The following BRME1 variants were observed in gnomAD, a reference collection of about 807,000 sequenced individuals.
BRME1 encodes break repair meiotic recombinase recruitment factor 1.
BRME1 carries 31 observed loss-of-function variants against 52.6 expected under a neutral mutation model. That is an observed-to-expected ratio of 0.59 (90% confidence interval 0.44 to 0.80). BRME1 has a LOEUF of 0.80. BRME1 is among the 30% of genes least tolerant of loss of function. BRME1 has a pLI of 0.00. For missense variants in BRME1, 804 were observed against 860.3 expected, an observed-to-expected ratio of 0.93 and a Z score of 0.82; for synonymous variants, 359 against 353.6, an observed-to-expected ratio of 1.02 and a Z score of -0.17.
intron 6 of BRME1, among the ~76,000 whole-genome samples, chr19:13,887,208 C>T (rs1969095297): frequency 6.6e-6 from 1 of 152,234 alleles, no homozygotes; most frequent in Non-Finnish European, 1.5e-5. Flanking sequence ...TTTGCTGTTC[C>T]CCGTGCCCCT....
At chr19:13,902,615 A>C (rs1970374216) in intron 2 of BRME1, among the ~76,000 whole-genome samples, 1 of 150,568 alleles carries the variant, frequency 6.6e-6, no homozygotes, top group African/African-American at 2.4e-5. Context: ...AACAAGATCA[A>C]GACTCTGTCT....
At chr19:13,892,986 C>A (rs1969620502) in intron 4 of BRME1, 96 bp from the exon 5 acceptor site, 2 of 1,385,534 alleles carry the variant, frequency 1.4e-6, no homozygotes, top group South Asian at 2.4e-5. Context: ...TTTCTTGTAG[C>A]CTTGAGAGAA....
Position 13,889,517 on chromosome 19 carries a change from T to C in BRME1, c.1339A>G (p.Asn447Asp). 6.2e-7 allele frequency: 1 copy of C among 1,613,882 alleles called. No individual in the cohort carries two copies. The highest frequency in any genetic ancestry group is 2.2e-5 in the East Asian group (1 of 44,878). Residue 447 changes from asparagine (N) to aspartate (D), a missense_variant, in exon 6 of 9, where the codon AAT (asparagine) becomes GAT (aspartate). Asn to Asp is a conservative substitution (Grantham distance 23). This residue lies in a region of BRME1 where 552 missense variants were observed against 561.1 expected (regional missense o/e 0.98). Coordinates refer to ENST00000586783, the MANE Select transcript of BRME1 (RefSeq NM_001345843.2). ...GCAGGACCTGGCTCCTGCTTCTGATTGACACATGGACCTGTGTCCGGGGAT... is the reference window on the plus strand; with the variant it reads ...GCAGGACCTGGCTCCTGCTTCTGATCGACACATGGACCTGTGTCCGGGGAT... ...HASPDTGPCVNQKQEPGPAQE... is the reference protein window; with the variant it reads ...HASPDTGPCVDQKQEPGPAQE...
chr19:13,892,899 C>A lies in BRME1; in HGVS notation c.289-9G>T, dbSNP rs377496573. On this transcript the variant is annotated splice_polypyrimidine_tract_variant and intron_variant, in intron 4 of 8. Transcript: ENST00000586783. ...AACCTCCCGAATGAGTTCTGTAAAC[C>A]GGATACAAGAACAAAGCAGCAATAA... 15 of 1,607,850 alleles carry A rather than the reference C, an allele frequency of 9.3e-6. No individual in the cohort carries two copies. The highest frequency in any genetic ancestry group is 1.3e-5 in the Non-Finnish European group (15 of 1,174,380).
At chr19:13,904,778 T>C in intron 2 of BRME1, 84 bp downstream of exon 2, 2 of 1,410,272 alleles carry the variant, frequency 1.4e-6, no homozygotes, top group South Asian at 2.3e-5. Context: ...GGCAGTCGTG[T>C]TAGCCAGATC....
Position 13,889,457 on chromosome 19 carries a change from C to A in BRME1, c.1399G>T (p.Glu467Ter), listed in dbSNP as rs759040859. 1 of 1,613,938 alleles carries A rather than the reference C, an allele frequency of 6.2e-7. No homozygotes were observed. Among genetic ancestry groups the A allele is most frequent in the Non-Finnish European group, 8.5e-7 (1 of 1,180,038 alleles). The change falls in exon 6 of 9, where the codon GAA becomes TAA. Residue 467 changes from glutamate (E) to a stop codon, truncating the protein, a stop_gained. Coordinates refer to ENST00000586783, the MANE Select transcript of BRME1 (RefSeq NM_001345843.2). LOFTEE classifies it high-confidence loss of function. ...EEAELGGQNL[E>*]RDLEGFRVSP... ...ACACGGAACCCCTCGAGGTCTCGTT[C>A]GAGGTTCTGGCCACCTAACTCGGCT...
rs559516240 is a variant in BRME1 at position 13,898,394 on chromosome 19, A to T, written c.32-2848T>A. ...CTACTCAGGAGGCTGAGGGGGTAGG[A>T]TCACTTGAGTCCAGGATCTCACTTG... On this transcript the variant is annotated intron_variant, in intron 2 of 8. Coordinates refer to ENST00000586783, the MANE Select transcript of BRME1 (RefSeq NM_001345843.2). 1.4e-4 allele frequency among the ~76,000 whole-genome samples: 22 copies of T among 152,274 alleles called. No homozygotes were observed. In the East Asian group the frequency reaches 4.3e-3, roughly 29 times the overall value.
In BRME1 at chr19:13,895,503, T is replaced by C. The variant is rs1969824245; in HGVS notation, c.75A>G (p.Leu25=). ...CPPKPLKNPR[L]GDFYGDPQSS... is the part of the protein sequence containing the mutation. ...TCTGGGGGTCCCCATAGAAGTCTCC[T>C]AGCCTTGGGTTCTTTAGGGGTTTTG... The change falls in exon 3 of 9, where the codon CTA becomes CTG. Residue 25 remains leucine, a synonymous_variant. Transcript: ENST00000586783. 3 of 1,613,976 alleles carry C rather than the reference T, an allele frequency of 1.9e-6. No homozygotes were observed. The African/African-American group carries it at 4.0e-5, about 22-fold the overall frequency.
chr19:13,904,839 A>G (rs1458115189), intron 2 of BRME1, 23 bp downstream of exon 2: 1 of 1,611,782 alleles, frequency 6.2e-7, no homozygotes. Context: ...GAAATCAACA[A>G]GTGTCCATTT....
Position 13,891,661 on chromosome 19 carries a change from G to A in BRME1, c.393+1125C>T, listed in dbSNP as rs75957633. Among the ~76,000 whole-genome samples the A allele has an allele frequency of 5.0e-3, 760 of 151,116 alleles. 7 individuals carry two copies. The highest frequency in any genetic ancestry group is 0.017 in the African/African-American group (713 of 41,256). ...TTGTGGTTTTTTTGGTAGAGATGGC[G>A]TTGTGCCATGTTGCCCAGGCTGGTC... On this transcript the variant is annotated intron_variant, in intron 5 of 8. Transcript: ENST00000586783.
At chr19:13,894,683 G>A (rs1462313946) in intron 3 of BRME1, among the ~76,000 whole-genome samples, 1 of 152,078 alleles carries the variant, frequency 6.6e-6, no homozygotes, top group East Asian at 1.9e-4. Context: ...AGTGTGCTGG[G>A]ATTATAGGCA....
At chr19:13,894,052 T>C (rs934732102) in intron 3 of BRME1, among the ~76,000 whole-genome samples, 1 of 152,122 alleles carries the variant, frequency 6.6e-6, no homozygotes, top group Non-Finnish European at 1.5e-5. Flanking sequence ...GAGAATACAC[T>C]GCCTTAACAG....
rs1397147404 is a variant in BRME1, at chr19:13,890,091, T to C, written c.765A>G (p.Gly255=). The change falls in exon 6 of 9, where the codon GGA becomes GGG. Residue 255 remains glycine (G), a synonymous_variant. Coordinates refer to ENST00000586783, the MANE Select transcript of BRME1 (RefSeq NM_001345843.2). ...EKPDRGAPQE[G]GAQRTAGAGL... Reference sequence around the variant, plus strand: ...CAGCCCCTGCTGTCCTTTGGGCCCCTCCCTCCTGGGGGGCTCCTCTGTCTG... The same window carrying C: ...CAGCCCCTGCTGTCCTTTGGGCCCCCCCCTCCTGGGGGGCTCCTCTGTCTG... 1 of 1,613,910 alleles carries C rather than the reference T, an allele frequency of 6.2e-7. No individual in the cohort carries two copies. Among genetic ancestry groups the C allele is most frequent in the Admixed American group, 1.7e-5 (1 of 60,012 alleles).
intron 5 of BRME1, among the ~76,000 whole-genome samples, chr19:13,891,648 T>A (rs980570921): frequency 2.0e-5 from 3 of 151,640 alleles, no homozygotes; most frequent in Admixed American, 6.6e-5. Flanking sequence ...GTGGTTTTTT[T>A]GGTAGAGATG....
rs747014631 is a variant in BRME1 at position 13,890,278 on chromosome 19, T to C, written c.578A>G (p.Asp193Gly). 3 of 1,612,846 alleles carry C rather than the reference T, an allele frequency of 1.9e-6. No individual in the cohort carries two copies. In the Admixed American group the frequency reaches 5.0e-5, roughly 27 times the overall value. ...VPGSGDSQPDDPPDRGTGLSA... is the reference protein window; with the variant it reads ...VPGSGDSQPDGPPDRGTGLSA... The stretch of plus-strand genomic sequence containing the variant: ...CAACCCCGTCCCCCTGTCTGGAGGG[T>C]CATCAGGCTGAGAATCCCCACTGCC... Residue 193 changes from aspartate to glycine, a missense_variant, in exon 6 of 9, where the codon GAC becomes GGC. Transcript: ENST00000586783.
intron 2 of BRME1, among the ~76,000 whole-genome samples, chr19:13,898,516 A>C (rs1431067769): frequency 1.3e-5 from 2 of 152,128 alleles, no homozygotes; most frequent in Non-Finnish European, 2.9e-5. Context: ...AGGCTGAGGC[A>C]GGAGGATTGC....
intron 5 of BRME1, 73 bp downstream of exon 5, chr19:13,892,713 A>G: frequency 7.9e-7 from 1 of 1,271,120 alleles, no homozygotes; most frequent in Non-Finnish European, 1.1e-6. Flanking sequence ...TCCAGGGTTA[A>G]ATGGGGCTGC....
At chr19:13,895,615 T>C in intron 2 of BRME1, 69 bp from the exon 3 acceptor site, 1 of 1,389,364 alleles carries the variant, frequency 7.2e-7, no homozygotes, top group South Asian at 1.3e-5. Context: ...ACAACTCAGG[T>C]CTCCCCCACT....
In BRME1 at chr19:13,882,707, G is replaced by C. The variant is rs1968716444; in HGVS notation, c.*95C>G. 1 of 1,524,002 alleles carries C rather than the reference G, an allele frequency of 6.6e-7. No homozygotes were observed. Among genetic ancestry groups the C allele is most frequent in the Non-Finnish European group, 8.9e-7 (1 of 1,119,236 alleles). 94.4% of individuals were successfully genotyped at this position (1,524,002 alleles called of 1,614,324 possible). ...CCAACTTCCGGGCAACTGAAGGGAG[G>C]TTTGTAGGGTCCACTAGGACCCCCT... On this transcript the variant is annotated 3_prime_UTR_variant, in exon 9 of 9. Coordinates refer to ENST00000586783, the MANE Select transcript of BRME1 (RefSeq NM_001345843.2).
Sources: allele counts gnomAD v4.1 joint callset (sites outside exome capture counted in the v4.1 genomes callset), GRCh38; gene constraint gnomAD v4.1.1; regional missense constraint gnomAD v4.1.1; transcripts MANE v1.5; gene names NCBI Gene and HGNC (gene_info 2026-07-23, HGNC 2026-07-21).